HECTD2: variants seen among roughly 807,000 people sequenced by gnomAD.
HECTD2 encodes probable E3 ubiquitin-protein ligase HECTD2.
A neutral mutation model predicts 103.2 loss-of-function variants in HECTD2; 35 were observed. The ratio of observed to expected loss-of-function variants is 0.34; its 90% CI spans 0.26 to 0.45. The LOEUF (loss-of-function observed/expected upper bound fraction) is 0.45, where lower values mean the gene tolerates loss of function less well. Ranked by LOEUF, HECTD2 falls within the 20% of genes least tolerant of loss-of-function variation. The pLI is 1.00. For missense variants in HECTD2, 596 were observed against 937.4 expected (o/e 0.64, Z 4.76); for synonymous variants, 281 against 329.9 (o/e 0.85, Z 1.61).
chr10:91,488,010 G>A (rs1846327111), intron 11 of HECTD2: 2 of 284,642 alleles, frequency 7.0e-6, no homozygotes, highest in South Asian at 1.6e-4. Context: ...AGTAGGAAGA[G>A]TAAATGCTTC....
Position 91,513,963 on chromosome 10 carries a change from G to GTA in HECTD2, c.*1581_*1582dup, listed in dbSNP as rs1291741828. 5 of 152,532 alleles carry GTA rather than the reference G, an allele frequency of 3.3e-5. No individual in the cohort carries two copies. The highest frequency in any genetic ancestry group is 2.6e-4 in the Admixed American group (4 of 15,246). 9.4% of individuals were successfully genotyped at this position (152,532 alleles called of 1,614,324 possible). On this transcript the variant is annotated 3_prime_UTR_variant, in exon 21 of 21. Transcript: ENST00000298068. Reference sequence around the variant, plus strand: ...TCCATTTGGGTATATTATTTCAAGGGTATTTCTTCTTAAAAATCTTGGAAA... The same window carrying GTA: ...TCCATTTGGGTATATTATTTCAAGGGTATATTTCTTCTTAAAAATCTTGGAAA...
At chr10:91,417,611 C>T (rs181999301) in intron 1 of HECTD2, among the ~76,000 whole-genome samples, 1,759 of 151,510 alleles carry the variant, frequency 0.012, 40 homozygotes, top group African/African-American at 0.04. Context: ...TGAGAACATG[C>T]GGTGTTTGGT....
chr10:91,506,984 AAATGT>A (rs1482210244), intron 20 of HECTD2, among the ~76,000 whole-genome samples: 1 of 151,858 alleles, frequency 6.6e-6, no homozygotes, highest in Non-Finnish European at 1.5e-5. Context: ...GCAAATCAAT[AAATGT>A]AATCCAGCAT....
At chr10:91,429,065 T>G (rs1843713847) in intron 2 of HECTD2, among the ~76,000 whole-genome samples, 1 of 152,106 alleles carries the variant, frequency 6.6e-6, no homozygotes, top group African/African-American at 2.4e-5. Context: ...AATACCTAAT[T>G]TATTGAGAGT....
intron 5 of HECTD2, among the ~76,000 whole-genome samples, chr10:91,477,253 G>A (rs1307224748): frequency 1.3e-5 from 2 of 152,170 alleles, no homozygotes; most frequent in Non-Finnish European, 2.9e-5. Context: ...TCATAGCTAG[G>A]AATGATGCTG....
rs1222906768 is a variant in HECTD2 at position 91,512,580 on chromosome 10, T to TGAG, written c.*197_*199dup. The stretch of plus-strand genomic sequence containing the variant: ...TCTAAAAACACACACAGAAATCGCT[T>TGAG]GAGTGAGGAAAAGTCCACATGGCAG... On this transcript the variant is annotated 3_prime_UTR_variant, in exon 21 of 21. Coordinates refer to ENST00000298068, the MANE Select transcript of HECTD2 (RefSeq NM_182765.6). 2.1e-5 allele frequency: 11 copies of TGAG among 530,792 alleles called. No homozygotes were observed. The highest frequency in any genetic ancestry group is 1.9e-4 in the African/African-American group (10 of 52,160). 32.9% of individuals were successfully genotyped at this position (530,792 alleles called of 1,614,324 possible). A position where few individuals can be genotyped will look rare whatever the true frequency, so the allele number is the denominator to read the frequency against.
rs1422275498 is a variant in HECTD2, at chr10:91,513,573, G to T, written c.*1189G>T. 2.6e-5 allele frequency: 4 copies of T among 151,952 alleles called. No individual in the cohort carries two copies. The highest frequency in any genetic ancestry group is 5.9e-5 in the Non-Finnish European group (4 of 67,716). The allele number at this position is 151,952 out of a possible 1,614,324, so 9.4% of individuals were successfully genotyped here. A position where few individuals can be genotyped will look rare whatever the true frequency, so the allele number is the denominator to read the frequency against. Reference sequence around the variant, plus strand: ...CTGCATTTTAAGTCAGACAGTAAATGTTTTTTTTAATTTACAGCAAATGAA... The same window carrying T: ...CTGCATTTTAAGTCAGACAGTAAATTTTTTTTTTAATTTACAGCAAATGAA... On this transcript the variant is annotated 3_prime_UTR_variant, in exon 21 of 21. Transcript: ENST00000298068.
At chr10:91,425,550 G>A in intron 2 of HECTD2, 140 bp downstream of exon 2, 2 of 519,410 alleles carry the variant, frequency 3.9e-6, no homozygotes, top group Middle Eastern at 5.9e-4. Flanking sequence ...ACCAGAAGCA[G>A]CAAAATCTTT....
intron 6 of HECTD2, 83 bp from the exon 7 acceptor site, chr10:91,481,011 T>A: frequency 1.2e-6 from 1 of 822,848 alleles, no homozygotes; most frequent in East Asian, 2.8e-5. Context: ...TCAGTCTTCA[T>A]AGAAAAGTTT....
chr10:91,436,759 A>T (rs189758262), intron 2 of HECTD2, among the ~76,000 whole-genome samples: 2 of 151,974 alleles, frequency 1.3e-5, no homozygotes, highest in African/African-American at 4.8e-5. Context: ...CCCTTTAAGA[A>T]TTCTGCAGTA....
chr10:91,487,125 A>G lies in HECTD2; in HGVS notation c.1095-557A>G. 6.4e-6 allele frequency: 1 copy of G among 156,102 alleles called. No homozygotes were observed. Among genetic ancestry groups the G allele is most frequent in the East Asian group, 1.9e-4 (1 of 5,390 alleles). The allele number at this position is 156,102 out of a possible 1,614,324, so 9.7% of individuals were successfully genotyped here. ...CTTTTTATAATGTGTAATTACAAAT[A>G]CATACCATTTCCTATTACCACACCA... On this transcript the variant is annotated intron_variant, in intron 10 of 20. Coordinates refer to ENST00000298068, the MANE Select transcript of HECTD2 (RefSeq NM_182765.6). This position sits in a 1 kb window ranked among gnomAD's most constrained non-coding sequence, Gnocchi z 4.1.
Position 91,445,374 on chromosome 10 carries a change from T to C in HECTD2, c.269-15053T>C, listed in dbSNP as rs982605166. ...AGAGGAAATAGTGATATAAAAAAGT[T>C]TGCTGCTGGTTACACGCTCTTGCAA... is the stretch of plus-strand genomic sequence containing the variant. On this transcript the variant is annotated intron_variant, in intron 2 of 20. Transcript: ENST00000298068. Among the ~76,000 whole-genome samples the C allele has an allele frequency of 2.6e-5, 4 of 152,276 alleles. No homozygotes were observed. The East Asian group carries it at 7.7e-4, about 29-fold the overall frequency.
At chr10:91,409,431 T>C (rs1203272801), upstream of HECTD2, 1 of 152,138 alleles carries the variant, frequency 6.6e-6, no homozygotes, top group East Asian at 1.9e-4. Context: ...GGTATGTACA[T>C]CTCTAACATA....
Position 91,487,655 on chromosome 10 carries a change from T to C in HECTD2, c.1095-27T>C. ...TTTTGTTAAAAATACACCATTTTGC[T>C]TTTTCTTTTTTTCACTTGTTGAGCA... On this transcript the variant is annotated intron_variant, in intron 10 of 20. Transcript: ENST00000298068. This position sits in a 1 kb window ranked among gnomAD's most constrained non-coding sequence, Gnocchi z 4.1. 2.0e-6 allele frequency: 3 copies of C among 1,475,232 alleles called. No individual in the cohort carries two copies. The highest frequency in any genetic ancestry group is 2.8e-6 in the Non-Finnish European group (3 of 1,053,804). The allele number at this position is 1,475,232 out of a possible 1,614,324, so 91.4% of individuals were successfully genotyped here. A position where few individuals can be genotyped will look rare whatever the true frequency, so the allele number is the denominator to read the frequency against.
chr10:91,431,840 T>G (rs77702525), intron 2 of HECTD2, among the ~76,000 whole-genome samples: 1 of 152,202 alleles, frequency 6.6e-6, no homozygotes, highest in East Asian at 1.9e-4. Flanking sequence ...CTCCTGTAGC[T>G]CGGAGTAGTT....
intron 2 of HECTD2, among the ~76,000 whole-genome samples, chr10:91,453,457 G>A (rs1247741426): frequency 1.3e-5 from 2 of 151,794 alleles, no homozygotes; most frequent in East Asian, 3.8e-4. Flanking sequence ...TTATAAACAG[G>A]GGATGGTAAG....
intron 10 of HECTD2, chr10:91,485,913 G>A (rs372369805): frequency 3.3e-5 from 5 of 152,008 alleles, no homozygotes; most frequent in East Asian, 3.9e-4. Context: ...ACAGAGAAAG[G>A]GCCTTACCAC....
chr10:91,410,454 C>T lies in HECTD2; in HGVS notation c.16C>T (p.Arg6Trp), dbSNP rs2132943626. 1 of 1,455,516 alleles carries T rather than the reference C, an allele frequency of 6.9e-7. No individual in the cohort carries two copies. The highest frequency in any genetic ancestry group is 3.0e-5 in the East Asian group (1 of 33,128). The allele number at this position is 1,455,516 out of a possible 1,614,324, so 90.2% of individuals were successfully genotyped here. A position where few individuals can be genotyped will look rare whatever the true frequency, so the allele number is the denominator to read the frequency against. ...CCGGCCCGACATGAGTGAGGCGGTT[C>T]GGGTACCCTCGCCCGCCACTCCGCT... MSEAV[R>W]VPSPATPLVV... is the part of the protein sequence containing the mutation. Residue 6 changes from arginine (R) to tryptophan (W), a missense_variant, in exon 1 of 21, where the codon CGG (arginine) becomes TGG (tryptophan). Coordinates refer to ENST00000298068, the MANE Select transcript of HECTD2 (RefSeq NM_182765.6).
At chr10:91,417,575 C>T (rs2132986977) in intron 1 of HECTD2, among the ~76,000 whole-genome samples, 1 of 148,474 alleles carries the variant, frequency 6.7e-6, no homozygotes, top group Middle Eastern at 3.4e-3. Context: ...TCCATGTGTT[C>T]TCATTGTTCA....
Sources: gnomAD v4.1 joint callset for allele counts (sites outside exome capture counted in the v4.1 genomes callset) on GRCh38, gnomAD v4.1.1 for gene constraint, Gnocchi (gnomAD v3.1) non-coding constraint, MANE v1.5 for transcripts, NCBI Gene and HGNC (gene_info 2026-07-23, HGNC 2026-07-21) for gene names.